The following DNM3 variants were observed in gnomAD, a reference collection of about 807,000 sequenced individuals.
The protein encoded by DNM3 is dynamin 3, also known as dynamin-3.
In DNM3, 47 loss-of-function variants were observed where a neutral mutation model predicts 101.6. The observed-to-expected ratio is 0.46, with a 90% CI of 0.37 to 0.59. The LOEUF is 0.59. DNM3 is among the 20% of genes least tolerant of loss of function. DNM3 has a pLI of 0.00. For synonymous variants in DNM3, 385 were observed against 387.9 expected (o/e 0.99, Z 0.09); for missense variants, 849 against 1,085.7 (o/e 0.78, Z 3.06).
At chr1:172,247,574 G>T (rs899500883) in intron 14 of DNM3, among the ~76,000 whole-genome samples, 2 of 151,934 alleles carry the variant, frequency 1.3e-5, no homozygotes, top group African/African-American at 2.4e-5. Context: ...GGTGCCATTA[G>T]TGCATATTTA....
chr1:172,024,706 A>G (rs887733569), intron 4 of DNM3, among the ~76,000 whole-genome samples: 2 of 151,726 alleles, frequency 1.3e-5, no homozygotes, highest in Admixed American at 1.3e-4. Flanking sequence ...GGGGTTGGGA[A>G]ACTCCCTGCC....
rs370130090 is a variant in DNM3 at position 171,970,924 on chromosome 1, T to C, written c.236-16732T>C. On this transcript the variant is annotated intron_variant, in intron 2 of 20. Coordinates refer to ENST00000627582, the MANE Select transcript of DNM3 (RefSeq NM_015569.5). Reference sequence around the variant, plus strand: ...CTAACAGGTTATAACAATCCAGTGGTGTGCTTGTCAAATTTCAGCATTACC... The same window carrying C: ...CTAACAGGTTATAACAATCCAGTGGCGTGCTTGTCAAATTTCAGCATTACC... Among the ~76,000 whole-genome samples, 30 of 152,238 alleles carry C rather than the reference T, an allele frequency of 2.0e-4. 1 individual carries two copies. In the East Asian group the frequency reaches 5.6e-3, roughly 28 times the overall value.
Position 172,304,222 on chromosome 1 carries a change from A to AAAAAAAAAC in DNM3, c.1770-4506_1770-4505insAAAAAAAAC, listed in dbSNP as rs745651671. ...AAAGGAAAGCAAAAAAAAAAAAAAA[A>AAAAAAAAAC]CAGGAGTTGCAATCCTAGTCTCTGA... On this transcript the variant is annotated intron_variant, in intron 15 of 20. Coordinates refer to ENST00000627582, the MANE Select transcript of DNM3 (RefSeq NM_015569.5). Among the ~76,000 whole-genome samples, 143 of 128,960 alleles carry AAAAAAAAAC rather than the reference A, an allele frequency of 1.1e-3. 7 individuals carry two copies. The highest frequency in any genetic ancestry group is 4.9e-3 in the African/African-American group (139 of 28,606). 84.6% of individuals were successfully genotyped at this position (128,960 alleles called of 152,430 possible).
At chr1:171,945,694 G>T (rs2042129495) in intron 2 of DNM3, among the ~76,000 whole-genome samples, 2 of 152,046 alleles carry the variant, frequency 1.3e-5, no homozygotes, top group Admixed American at 1.3e-4. Flanking sequence ...TTCCTAAAAT[G>T]ATTTTTATTT....
At chr1:172,093,606 C>T in intron 13 of DNM3, 2 of 1,157,432 alleles carry the variant, frequency 1.7e-6, no homozygotes, top group Non-Finnish European at 1.2e-6. Context: ...GATTTTTTTC[C>T]CATTGTTTTG....
intron 2 of DNM3, among the ~76,000 whole-genome samples, chr1:171,968,581 C>T (rs556817003): frequency 6.6e-6 from 1 of 152,272 alleles, no homozygotes; most frequent in East Asian, 1.9e-4. Context: ...CTCCTGATAT[C>T]ATGGAAGGTT....
intron 14 of DNM3, among the ~76,000 whole-genome samples, chr1:172,244,682 A>G (rs904394634): frequency 6.6e-6 from 1 of 152,144 alleles, no homozygotes; most frequent in Admixed American, 6.5e-5. Context: ...TTAGAATGGC[A>G]ATCATTAAAA....
At chr1:172,339,133 T>C (rs926588038) in intron 17 of DNM3, 7 of 429,330 alleles carry the variant, frequency 1.6e-5, no homozygotes, top group African/African-American at 1.4e-4. Flanking sequence ...ATATGTTAAG[T>C]TGTTGCTTTT....
At chr1:172,036,468 C>G (rs1378362793) in intron 6 of DNM3, among the ~76,000 whole-genome samples, 2 of 151,964 alleles carry the variant, frequency 1.3e-5, no homozygotes, top group East Asian at 3.9e-4. Context: ...TGGAACAGAA[C>G]AGAGCCCTCA....
chr1:172,147,505 A>G (rs959365467), intron 14 of DNM3, among the ~76,000 whole-genome samples: 3 of 152,104 alleles, frequency 2.0e-5, no homozygotes, highest in African/African-American at 7.2e-5. Context: ...AATTTGCTCT[A>G]TTATAAAGGG....
intron 4 of DNM3, among the ~76,000 whole-genome samples, chr1:171,991,946 C>T (rs2125632674): frequency 6.6e-6 from 1 of 152,308 alleles, no homozygotes; most frequent in East Asian, 1.9e-4. Context: ...TTTCGTCCTA[C>T]CTTGGTTCAG....
At chr1:172,143,581 T>C (rs900139682) in intron 14 of DNM3, among the ~76,000 whole-genome samples, 2 of 152,110 alleles carry the variant, frequency 1.3e-5, no homozygotes, top group African/African-American at 4.8e-5. Context: ...ACTTCTGCCT[T>C]CGTTTACAAA....
At chr1:172,315,897 G>A (rs1275639737) in intron 16 of DNM3, among the ~76,000 whole-genome samples, 2 of 152,088 alleles carry the variant, frequency 1.3e-5, no homozygotes, top group Non-Finnish European at 2.9e-5. Flanking sequence ...ACGCCACAAA[G>A]ATACTCCTCG....
chr1:171,865,538 A>G (rs1366061429), intron 1 of DNM3, among the ~76,000 whole-genome samples: 1 of 148,172 alleles, frequency 6.7e-6, no homozygotes, highest in African/African-American at 2.5e-5. Context: ...AAAAAAAAAA[A>G]AAGAATGAAA....
chr1:172,064,699 G>A (rs778167036), intron 10 of DNM3, among the ~76,000 whole-genome samples: 10 of 152,008 alleles, frequency 6.6e-5, no homozygotes, highest in Admixed American at 2.0e-4. Context: ...ATATTTGAAA[G>A]CCAGCAGTTA....
At chr1:172,219,371 C>G (rs1377143921) in intron 14 of DNM3, among the ~76,000 whole-genome samples, 1 of 102,396 alleles carries the variant, frequency 9.8e-6, no homozygotes, top group African/African-American at 4.8e-5. Flanking sequence ...GAGGAATACC[C>G]TGTCTCAAAA....
chr1:172,220,073 C>T (rs1425865399), intron 14 of DNM3, among the ~76,000 whole-genome samples: 3 of 152,078 alleles, frequency 2.0e-5, no homozygotes, highest in South Asian at 2.1e-4. Flanking sequence ...AGGAGGTCTT[C>T]GAGGAGAGCA....
intron 1 of DNM3, among the ~76,000 whole-genome samples, chr1:171,858,579 C>T (rs2033853518): frequency 6.6e-6 from 1 of 152,136 alleles, no homozygotes; most frequent in Non-Finnish European, 1.5e-5. Context: ...ACCTGAGGAA[C>T]TTATGAAATA....
At chr1:172,374,444 C>T (rs551793476) in intron 17 of DNM3, among the ~76,000 whole-genome samples, 8 of 152,092 alleles carry the variant, frequency 5.3e-5, no homozygotes, top group African/African-American at 1.4e-4. Context: ...GCTTTTTTAA[C>T]GGCTTCGTTT....
Sources: allele counts gnomAD v4.1 joint callset (sites outside exome capture counted in the v4.1 genomes callset), GRCh38; gene constraint gnomAD v4.1.1; transcripts MANE v1.5; gene names NCBI Gene and HGNC (gene_info 2026-07-23, HGNC 2026-07-21).